The following DTNA variants were observed in gnomAD, a reference collection of about 807,000 sequenced individuals.
The protein encoded by DTNA is dystrobrevin alpha.
Under a neutral mutation model 100.7 loss-of-function variants are expected in DTNA, and 43 were observed. That is an observed-to-expected ratio of 0.43 (90% CI 0.33 to 0.55). DTNA has a LOEUF of 0.55. Among genes scored for constraint, DTNA ranks in the 20% least tolerant of loss-of-function variants. DTNA has a pLI of 0.04. For synonymous variants in DTNA, 349 were observed against 347.9 expected (o/e 1.00, Z -0.04); for missense variants, 798 against 953.9 (o/e 0.84, Z 2.15).
intron 1 of DTNA, among the ~76,000 whole-genome samples, chr18:34,701,954 G>T (rs1600458052): frequency 6.6e-6 from 1 of 152,156 alleles, no homozygotes; most frequent in Admixed American, 6.5e-5. Context: ...CATAGACAGA[G>T]TGTTATTTTA....
chr18:34,866,800 T>C, intron 17 of DTNA: 1 of 995,902 alleles, frequency 1.0e-6, no homozygotes, highest in Non-Finnish European at 1.2e-6. Context: ...GTAATCTCTT[T>C]TTAAAAAGTA....
intron 1 of DTNA, among the ~76,000 whole-genome samples, chr18:34,567,878 T>TA (rs1243193799): frequency 6.6e-6 from 1 of 152,344 alleles, no homozygotes; most frequent in Non-Finnish European, 1.5e-5. Context: ...GTAAAGCTTT[T>TA]ATCCTTGCCC....
At chr18:34,785,094 T>C (rs1297573124) in intron 3 of DTNA, among the ~76,000 whole-genome samples, 1 of 152,072 alleles carries the variant, frequency 6.6e-6, no homozygotes, top group Non-Finnish European at 1.5e-5. Context: ...TTTGTATTTT[T>C]AGTAGAGACA....
intron 1 of DTNA, among the ~76,000 whole-genome samples, chr18:34,601,841 A>C (rs946915731): frequency 6.6e-6 from 1 of 152,230 alleles, no homozygotes; most frequent in Admixed American, 6.5e-5. Context: ...AGTCCTGCCC[A>C]TAAACAGTTT....
rs1486975933 is a variant in DTNA, at chr18:34,766,179, T to C, written c.148+138T>C. The C allele has an allele frequency of 6.8e-6, 7 of 1,031,114 alleles. No individual in the cohort carries two copies. The African/African-American group carries it at 7.9e-5, about 12-fold the overall frequency. The allele number at this position is 1,031,114 out of a possible 1,614,324, so 63.9% of individuals were successfully genotyped here. A position where few individuals can be genotyped will look rare whatever the true frequency, so the allele number is the denominator to read the frequency against. On this transcript the variant is annotated intron_variant, in intron 3 of 22. Transcript: ENST00000444659. ...TGTTTACACAACAATAAAAGGGGTA[T>C]TATGAGGCACAAATGGTAGAGATGA...
intron 1 of DTNA, among the ~76,000 whole-genome samples, chr18:34,585,336 T>A (rs2049021007): frequency 6.6e-6 from 1 of 152,018 alleles, no homozygotes; most frequent in South Asian, 2.1e-4. Flanking sequence ...TGAGGAAATA[T>A]AAGATGGGCA....
intron 1 of DTNA, among the ~76,000 whole-genome samples, chr18:34,703,077 G>A (rs1046225917): frequency 3.9e-5 from 6 of 152,130 alleles, no homozygotes. Flanking sequence ...CTTTACATAT[G>A]GTTGCTACAG....
intron 13 of DTNA, among the ~76,000 whole-genome samples, chr18:34,839,887 C>T (rs1046662889): frequency 6.6e-6 from 1 of 152,174 alleles, no homozygotes; most frequent in Non-Finnish European, 1.5e-5. Context: ...TTTGCACCAA[C>T]CTAGTATTTC....
intron 1 of DTNA, among the ~76,000 whole-genome samples, chr18:34,702,570 A>C (rs1166293618): frequency 6.6e-6 from 1 of 152,160 alleles, no homozygotes; most frequent in African/African-American, 2.4e-5. Context: ...TTTGACCTGG[A>C]CCTTATCCCC....
In DTNA at chr18:34,879,577, G is replaced by A; in HGVS notation, c.2020G>A (p.Val674Met). Residue 674 changes from valine to methionine, a missense_variant, in exon 20 of 23, where the codon GTG becomes ATG. This residue lies in a region of DTNA where 242 missense variants were observed against 238.2 expected (regional missense o/e 1.02). Transcript: ENST00000444659. ...GGTTGGGAGTGAAACAGAGAGTAAT[G>A]TGGATTCTGAATTTGCACGGACTCA... The part of the protein sequence containing the change: ...SEVGSETESN[V>M]DSEFARTQFE... The A allele has an allele frequency of 6.2e-7, 1 of 1,614,082 alleles. No individual in the cohort carries two copies. The highest frequency in any genetic ancestry group is 1.3e-5 in the African/African-American group (1 of 75,020).
chr18:34,503,893 T>C (rs1183585379), intron 1 of DTNA: 2 of 152,368 alleles, frequency 1.3e-5, no homozygotes, highest in Admixed American at 1.3e-4. Context: ...TGGAGTGCAG[T>C]GGTGCAATCT....
At chr18:34,887,644 T>G in intron 22 of DTNA, 122 bp from the exon 23 acceptor site, 2 of 636,540 alleles carry the variant, frequency 3.1e-6, no homozygotes, top group Non-Finnish European at 2.0e-6. Flanking sequence ...TGTGTGCATG[T>G]GTGTGTGTGT....
chr18:34,542,349 C>G (rs1034297243), intron 1 of DTNA, among the ~76,000 whole-genome samples: 2 of 151,954 alleles, frequency 1.3e-5, no homozygotes, highest in Admixed American at 6.6e-5. Flanking sequence ...GTTAATATTT[C>G]CTAGCTTCCA....
intron 1 of DTNA, among the ~76,000 whole-genome samples, chr18:34,628,612 T>C (rs1232852797): frequency 6.6e-6 from 1 of 152,248 alleles, no homozygotes; most frequent in Admixed American, 6.5e-5. Flanking sequence ...AGTAACCTTC[T>C]GGCATTTCAA....
upstream of DTNA, among the ~76,000 whole-genome samples, chr18:34,709,161 G>A (rs879837465): frequency 6.6e-6 from 1 of 152,194 alleles, no homozygotes; most frequent in African/African-American, 2.4e-5. Flanking sequence ...TTTATCCATT[G>A]AAGAAGTAGC....
chr18:34,852,276 C>G (rs778326630), intron 15 of DTNA, among the ~76,000 whole-genome samples: 16 of 152,048 alleles, frequency 1.1e-4, no homozygotes, highest in Admixed American at 3.9e-4. Context: ...GGTGTCTCTA[C>G]CACCCAGAAA....
intron 1 of DTNA, among the ~76,000 whole-genome samples, chr18:34,755,082 C>T (rs561621625): frequency 1.3e-5 from 2 of 152,282 alleles, no homozygotes; most frequent in South Asian, 2.1e-4. Flanking sequence ...GGTAGACATA[C>T]GTGTGCATCT....
intron 3 of DTNA, among the ~76,000 whole-genome samples, chr18:34,766,447 CA>C (rs1416627583): frequency 6.6e-6 from 1 of 150,588 alleles, no homozygotes; most frequent in African/African-American, 2.4e-5. Context: ...CCAAACACCA[CA>C]TGTTCTCACT....
chr18:34,884,886 A>G, intron 22 of DTNA, 110 bp downstream of exon 22: 1 of 1,289,292 alleles, frequency 7.8e-7, no homozygotes, highest in Non-Finnish European at 1.1e-6. Flanking sequence ...CTATGTGATA[A>G]AATACCCTCC....
Sources: allele counts gnomAD v4.1 joint callset (sites outside exome capture counted in the v4.1 genomes callset), GRCh38; gene constraint gnomAD v4.1.1; regional missense constraint gnomAD v4.1.1; transcripts MANE v1.5; gene names NCBI Gene and HGNC (gene_info 2026-07-23, HGNC 2026-07-21).